SYNE1: variants seen among roughly 807,000 people sequenced by gnomAD.
SYNE1 encodes the protein spectrin repeat containing nuclear envelope protein 1.
Under a neutral mutation model 1,111.0 loss-of-function variants are expected in SYNE1, and 616 were observed. The ratio of observed to expected loss-of-function variants is 0.55; its 90% CI spans 0.52 to 0.59. The LOEUF is 0.59. Among genes scored for constraint, SYNE1 ranks in the 20% least tolerant of loss-of-function variants. The probability of loss-of-function intolerance (pLI) is 0.00; values close to 1 mark genes in which losing one functional copy is unlikely to be tolerated. For synonymous variants in SYNE1, 3,855 were observed against 3,825.8 expected (o/e 1.01, Z -0.28); for missense variants, 10,006 against 10,417.0 (o/e 0.96, Z 1.72).
chr6:152,447,678 C>T (rs959698366), intron 28 of SYNE1, 56 bp from the exon 29 acceptor site: 1 of 1,608,768 alleles, frequency 6.2e-7, no homozygotes, highest in African/African-American at 1.3e-5. Flanking sequence ...TCATAACTTT[C>T]CAGCAATAAA....
Position 152,282,122 on chromosome 6 carries a change from C to A in SYNE1, c.18208-142G>T, listed in dbSNP as rs1205428343. The A allele has an allele frequency of 7.8e-6, 6 of 774,176 alleles. No homozygotes were observed. The Admixed American group carries it at 1.3e-4, about 17-fold the overall frequency. The allele number at this position is 774,176 out of a possible 1,614,324, so 48.0% of individuals were successfully genotyped here. On this transcript the variant is annotated intron_variant, in intron 96 of 145. Transcript: ENST00000367255. ...TTAAAAATTTCCTTTGCTTAGGCCA[C>A]ATCCCAGAACAACAATCAGAATTTC...
At chr6:152,154,773 A>G (rs2061069939) in intron 133 of SYNE1, 119 bp downstream of exon 133, 1 of 1,146,692 alleles carries the variant, frequency 8.7e-7, no homozygotes, top group African/African-American at 1.5e-5. Flanking sequence ...CAAAGTCCTC[A>G]CGCAGCAATT....
chr6:152,262,337 A>G, intron 100 of SYNE1, 149 bp from the exon 101 acceptor site: 3 of 740,048 alleles, frequency 4.1e-6, no homozygotes, highest in Non-Finnish European at 6.8e-6. Flanking sequence ...AAAAATGTTT[A>G]GGCCAATCAT....
chr6:152,134,872 C>A (rs982704296), intron 142 of SYNE1: 1 of 523,782 alleles, frequency 1.9e-6, no homozygotes, highest in African/African-American at 1.9e-5. Flanking sequence ...ATTTTTACAA[C>A]TGAGCAACAA....
rs5880957 is a variant in SYNE1 at position 152,148,670 on chromosome 6, GT to G, written c.24643-293del. ...ATAACAGTCCCAGGCATCCCACAGG[GT>G]TTTTTTTTTTTGAGTGGGAAAAAAT... On this transcript the variant is annotated intron_variant, in intron 136 of 145. Transcript: ENST00000367255. This position sits in a 1 kb window ranked among gnomAD's most constrained non-coding sequence, Gnocchi z 4.1. Among the ~76,000 whole-genome samples, 15,604 of 145,848 alleles carry G rather than the reference GT, an allele frequency of 0.11. 1,228 individuals are homozygous for G. The highest frequency in any genetic ancestry group is 0.36 in the East Asian group (1,818 of 5,048).
At chr6:152,599,934 G>T (rs561067268) in intron 3 of SYNE1, among the ~76,000 whole-genome samples, 5 of 152,278 alleles carry the variant, frequency 3.3e-5, no homozygotes, top group African/African-American at 1.2e-4. Context: ...GAGGTAACTG[G>T]AGACACAAGA....
chr6:152,546,795 G>A (rs1487707922), intron 3 of SYNE1: 1 of 151,986 alleles, frequency 6.6e-6, no homozygotes, highest in Non-Finnish European at 1.5e-5. Context: ...CTAATTTGTT[G>A]GTTGTGCTAA....
At chr6:152,389,598 T>C (rs74360436) in intron 53 of SYNE1, among the ~76,000 whole-genome samples, 1,839 of 152,206 alleles carry the variant, frequency 0.012, 45 homozygotes, top group African/African-American at 0.042. Context: ...GAGAAATCTC[T>C]CACTTATAAT....
At chr6:152,619,594 A>G (rs993098288) in intron 3 of SYNE1, among the ~76,000 whole-genome samples, 1 of 152,196 alleles carries the variant, frequency 6.6e-6, no homozygotes, top group Non-Finnish European at 1.5e-5. Flanking sequence ...CTCCATAAAG[A>G]ACTTCCCCAA....
chr6:152,412,758 CA>C (rs67798557), intron 42 of SYNE1, among the ~76,000 whole-genome samples: 77,248 of 151,214 alleles, frequency 0.51, 21,578 homozygotes, highest in East Asian at 0.75. Context: ...TACAACAAAA[CA>C]AAAAAAAGTA....
intron 32 of SYNE1, among the ~76,000 whole-genome samples, chr6:152,438,939 C>A (rs1474137391): frequency 3.3e-5 from 5 of 152,156 alleles, no homozygotes; most frequent in Admixed American, 2.0e-4. Context: ...GGAAAAGGAC[C>A]TTTTGGATTG....
At chr6:152,285,605 G>C (rs2094286127) in intron 95 of SYNE1, among the ~76,000 whole-genome samples, 1 of 152,080 alleles carries the variant, frequency 6.6e-6, no homozygotes, top group South Asian at 2.1e-4. Context: ...CCCCACTTCA[G>C]TCACTTCCTG....
intron 95 of SYNE1, among the ~76,000 whole-genome samples, chr6:152,292,841 CGGT>C (rs2094674304): frequency 6.6e-6 from 1 of 152,178 alleles, no homozygotes; most frequent in Admixed American, 6.5e-5. Context: ...TCCTACCTCA[CGGT>C]GATGAATATG....
At chr6:152,598,574 C>T (rs1252835262) in intron 3 of SYNE1, among the ~76,000 whole-genome samples, 1 of 152,178 alleles carries the variant, frequency 6.6e-6, no homozygotes, top group Non-Finnish European at 1.5e-5. Flanking sequence ...CATAATGAAT[C>T]AGCTTCAAGA....
chr6:152,310,667 C>A lies in SYNE1; in HGVS notation c.16896+21G>T. The A allele has an allele frequency of 2.6e-6, 4 of 1,509,538 alleles. No homozygotes were observed. The South Asian group carries it at 3.5e-5, about 13-fold the overall frequency. The allele number at this position is 1,509,538 out of a possible 1,614,324, so 93.5% of individuals were successfully genotyped here. A position where few individuals can be genotyped will look rare whatever the true frequency, so the allele number is the denominator to read the frequency against. ...CAATGATAGACATTTTTTTCTGTTTCTTTTTTTTTTCTTTTTTTACCTTAG... is the reference window on the plus strand; with the variant it reads ...CAATGATAGACATTTTTTTCTGTTTATTTTTTTTTTCTTTTTTTACCTTAG... On this transcript the variant is annotated intron_variant, in intron 88 of 145. Transcript: ENST00000367255.
intron 12 of SYNE1, among the ~76,000 whole-genome samples, chr6:152,486,015 T>G (rs1039342512): frequency 1.3e-5 from 2 of 151,912 alleles, no homozygotes; most frequent in Non-Finnish European, 2.9e-5. Context: ...GCCAACATGG[T>G]GAAAGCCCGT....
rs112613942 is a variant in SYNE1 at position 152,496,906 on chromosome 6, C to G, written c.939+1836G>C. Among the ~76,000 whole-genome samples the G allele has an allele frequency of 1.4e-4, 22 of 152,228 alleles. 1 individual carries two copies. The highest frequency in any genetic ancestry group is 5.1e-4 in the African/African-American group (21 of 41,540). On this transcript the variant is annotated intron_variant, in intron 11 of 145. Coordinates refer to ENST00000367255, the MANE Select transcript of SYNE1 (RefSeq NM_182961.4). ...TGCCCCACACTAACTGGTCAAGTGA[C>G]CTTGTGAAATTCTTTCTCCTGGACA...
chr6:152,441,946 G>A (rs1023067525), intron 31 of SYNE1, 129 bp downstream of exon 31: 10 of 1,127,546 alleles, frequency 8.9e-6, no homozygotes, highest in East Asian at 7.1e-5. Context: ...GATGGTTCAT[G>A]TACAGAATTT....
intron 97 of SYNE1, among the ~76,000 whole-genome samples, chr6:152,279,588 C>T (rs570597367): frequency 1.6e-3 from 237 of 151,890 alleles, no homozygotes; most frequent in African/African-American, 5.4e-3. Context: ...CGTGGTGGCA[C>T]GTGCCTGTAC....
Sources: gnomAD v4.1 joint callset for allele counts (sites outside exome capture counted in the v4.1 genomes callset) on GRCh38, gnomAD v4.1.1 for gene constraint, Gnocchi (gnomAD v3.1) non-coding constraint, MANE v1.5 for transcripts, NCBI Gene and HGNC (gene_info 2026-07-23, HGNC 2026-07-21) for gene names.